RCC1L: variants seen among roughly 807,000 people sequenced by gnomAD.
RCC1L encodes the protein RCC1-like G exchanging factor-like protein.
A neutral mutation model predicts 58.6 loss-of-function variants in RCC1L; 46 were observed. The ratio of observed to expected loss-of-function variants is 0.79; its 90% confidence interval spans 0.62 to 1.00. The LOEUF is 1.00. Ranked by LOEUF, RCC1L falls within the 50% of genes least tolerant of loss-of-function variation. The probability of loss-of-function intolerance (pLI) is 0.00; values close to 1 mark genes in which losing one functional copy is unlikely to be tolerated. For missense variants in RCC1L, 636 were observed against 623.6 expected (o/e 1.02, Z -0.21); for synonymous variants, 281 against 262.9 (o/e 1.07, Z -0.67).
At chr7:75,064,760 C>T (rs782221281) in intron 3 of RCC1L, 112 bp from the exon 4 acceptor site, 47 of 1,181,588 alleles carry the variant, frequency 4.0e-5, no homozygotes, top group Admixed American at 5.2e-5. Flanking sequence ...ACCCCCACCC[C>T]CCAACTGCCC....
chr7:75,068,307 T>G (rs1584505124), intron 2 of RCC1L, among the ~76,000 whole-genome samples: 6 of 102,760 alleles, frequency 5.8e-5, no homozygotes, highest in African/African-American at 7.9e-5. Context: ...GCAACGAGAG[T>G]GAAACTCTGA....
intron 10 of RCC1L, among the ~76,000 whole-genome samples, chr7:75,031,299 C>CCAG (rs1406243800): frequency 5.3e-5 from 8 of 152,092 alleles, no homozygotes; most frequent in Non-Finnish European, 7.4e-5. Flanking sequence ...GCCCGGGTCA[C>CCAG]CAGCAGCAGC....
At chr7:75,054,980 A>G (rs1253209173) in intron 9 of RCC1L, among the ~76,000 whole-genome samples, 9 of 152,336 alleles carry the variant, frequency 5.9e-5, no homozygotes, top group African/African-American at 1.7e-4. Context: ...CCTGGAATTC[A>G]GACAATAAGT....
chr7:75,035,887 C>T (rs1286264070), intron 10 of RCC1L, among the ~76,000 whole-genome samples: 4 of 152,034 alleles, frequency 2.6e-5, no homozygotes, highest in African/African-American at 4.8e-5. Flanking sequence ...TGCCTGTAAT[C>T]CCAGCCACTT....
intron 10 of RCC1L, among the ~76,000 whole-genome samples, chr7:75,034,471 G>C (rs976852417): frequency 6.6e-6 from 1 of 151,930 alleles, no homozygotes; most frequent in Non-Finnish European, 1.5e-5. Context: ...AGCTGAGATC[G>C]CGCCACTGCA....
chr7:75,051,080 G>T (rs1554443280), intron 10 of RCC1L, among the ~76,000 whole-genome samples: 1 of 151,526 alleles, frequency 6.6e-6, no homozygotes, highest in African/African-American at 2.4e-5. Flanking sequence ...AGTGATAAAA[G>T]TGAGACCCTG....
At chr7:75,062,175 AG>A in intron 5 of RCC1L, among the ~76,000 whole-genome samples, 1 of 152,102 alleles carries the variant, frequency 6.6e-6, no homozygotes, top group African/African-American at 2.4e-5. Flanking sequence ...AAAAAGAAAA[AG>A]AAACTATCTT....
downstream of RCC1L, among the ~76,000 whole-genome samples, chr7:75,039,234 G>C (rs1006121712): frequency 1.3e-5 from 2 of 152,218 alleles, no homozygotes; most frequent in Non-Finnish European, 2.9e-5. Flanking sequence ...AGAAATGTGG[G>C]ATTTCATAAG....
At chr7:75,047,527 C>T (rs1042781139) in intron 10 of RCC1L, among the ~76,000 whole-genome samples, 2 of 152,298 alleles carry the variant, frequency 1.3e-5, no homozygotes, top group Non-Finnish European at 2.9e-5. Context: ...CCTCTCAAAG[C>T]GCTGGGATTA....
At chr7:75,050,019 G>C (rs1328783905) in intron 10 of RCC1L, among the ~76,000 whole-genome samples, 1 of 152,180 alleles carries the variant, frequency 6.6e-6, no homozygotes, top group African/African-American at 2.4e-5. Flanking sequence ...AACCCTTAGG[G>C]GCTCCCTGAA....
At chr7:75,045,672 T>C (rs1471636276) in intron 10 of RCC1L, among the ~76,000 whole-genome samples, 4 of 152,158 alleles carry the variant, frequency 2.6e-5, no homozygotes, top group African/African-American at 7.2e-5. Context: ...TGCAGTACCA[T>C]GCCCAGCTAA....
At chr7:75,065,349 G>C (rs1554444950) in intron 3 of RCC1L, among the ~76,000 whole-genome samples, 1 of 152,136 alleles carries the variant, frequency 6.6e-6, no homozygotes, top group African/African-American at 2.4e-5. Context: ...GAGGTCAGGA[G>C]TTCGAGGCCA....
chr7:75,051,193 A>G (rs1563074040), intron 10 of RCC1L, among the ~76,000 whole-genome samples: 1 of 146,112 alleles, frequency 6.8e-6, no homozygotes, highest in Non-Finnish European at 1.5e-5. Context: ...ATATATATAT[A>G]TATTTAATAT....
chr7:75,032,547 G>T (rs1273960193), intron 10 of RCC1L, among the ~76,000 whole-genome samples: 2 of 152,226 alleles, frequency 1.3e-5, no homozygotes, highest in East Asian at 3.9e-4. Flanking sequence ...TTTCCATGGG[G>T]GGGTAGCTGT....
Position 75,042,544 on chromosome 7 carries a change from A to C in RCC1L, c.*488T>G. On this transcript the variant is annotated 3_prime_UTR_variant, in exon 11 of 11. Coordinates refer to ENST00000610322, the MANE Select transcript of RCC1L (RefSeq NM_030798.5). Reference sequence around the variant, plus strand: ...CAGGCGGCCAGGAAGGGCCATGAGCAGGGTGGCCTGAATGAAAACCGAGGG... The same window carrying C: ...CAGGCGGCCAGGAAGGGCCATGAGCCGGGTGGCCTGAATGAAAACCGAGGG... 1 of 996,088 alleles carries C rather than the reference A, an allele frequency of 1.0e-6. No individual in the cohort carries two copies. The highest frequency in any genetic ancestry group is 1.2e-6 in the Non-Finnish European group (1 of 835,704). 61.7% of individuals were successfully genotyped at this position (996,088 alleles called of 1,614,324 possible).
chr7:75,073,539 T>C lies in RCC1L; in HGVS notation c.199A>G (p.Ser67Gly). The C allele has an allele frequency of 6.7e-7, 1 of 1,491,936 alleles. No individual in the cohort carries two copies. The allele number at this position is 1,491,936 out of a possible 1,614,324, so 92.4% of individuals were successfully genotyped here. ...GGCACGCCCAGCGCCCCCGAGAAGC[T>C]GAAGCCCCACACGAAGACGCGATCG... ...RADRVFVWGF[S>G]FSGALGVPSF... is the part of the protein sequence containing the mutation. The change falls in exon 1 of 11, where the codon AGC (serine) becomes GGC (glycine). Residue 67 changes from serine to glycine, a missense_variant. Ser to Gly is a moderately conservative substitution (Grantham distance 56). Coordinates refer to ENST00000610322, the MANE Select transcript of RCC1L (RefSeq NM_030798.5).
At chr7:75,064,924 C>A (rs1806412193) in intron 3 of RCC1L, among the ~76,000 whole-genome samples, 1 of 152,140 alleles carries the variant, frequency 6.6e-6, no homozygotes, top group Non-Finnish European at 1.5e-5. Context: ...TGTCACCAGG[C>A]TGCCCTTAAC....
rs1214049457 is a variant in RCC1L, at chr7:75,058,741, C to T, written c.816G>A (p.Ser272=). ...CCAGGTCTCCACCCAGCTTGGTGGG[C>T]GAGCTGGTGATATTGTAGTGACCCA... ...TGLGHYNITS[S]PTKLGGDLAG... The change falls in exon 7 of 11, where the codon TCG becomes TCA. Residue 272 remains serine, a synonymous_variant. Transcript: ENST00000610322. The T allele has an allele frequency of 1.1e-5, 18 of 1,613,760 alleles. No homozygotes were observed. In the South Asian group the frequency reaches 1.2e-4, roughly 11 times the overall value.
At chr7:75,068,116 T>C (rs587614540) in intron 2 of RCC1L, among the ~76,000 whole-genome samples, 22 of 151,676 alleles carry the variant, frequency 1.5e-4, no homozygotes, top group African/African-American at 5.1e-4. Flanking sequence ...GGTCGGGAGC[T>C]TGAGACCAGC....
Sources: gnomAD v4.1 joint callset for allele counts (sites outside exome capture counted in the v4.1 genomes callset) on GRCh38, gnomAD v4.1.1 for gene constraint, MANE v1.5 for transcripts, NCBI Gene and HGNC (gene_info 2026-07-23, HGNC 2026-07-21) for gene names.